Variants in LIPA observed in about 807,000 individuals in gnomAD.
LIPA encodes the protein lysosomal acid lipase/cholesteryl ester hydrolase.
Under a neutral mutation model 40.6 loss-of-function variants are expected in LIPA, and 26 were observed. The ratio of observed to expected loss-of-function variants is 0.64; its 90% CI spans 0.47 to 0.89. The LOEUF is 0.89. LIPA is among the 40% of genes least tolerant of loss of function. The probability of loss-of-function intolerance (pLI) is 0.00; values close to 1 mark genes in which losing one functional copy is unlikely to be tolerated. For synonymous variants in LIPA, 188 were observed against 168.4 expected (o/e 1.12, Z -0.90); for missense variants, 455 against 479.6 (o/e 0.95, Z 0.48).
At chr10:89,356,779 C>G (rs1012212852) in intron 2 of LIPA, among the ~76,000 whole-genome samples, 2 of 152,176 alleles carry the variant, frequency 1.3e-5, no homozygotes, top group Non-Finnish European at 2.9e-5. Context: ...CATCCTGAAA[C>G]CATCCCTGCC....
At chr10:89,379,725 G>A (rs747866298) in intron 2 of LIPA, among the ~76,000 whole-genome samples, 1 of 151,966 alleles carries the variant, frequency 6.6e-6, no homozygotes, top group South Asian at 2.1e-4. Flanking sequence ...TTAATATAAC[G>A]GGCTCCTGGT....
chr10:89,301,143 CAG>C (rs1843443197), intron 1 of LIPA, among the ~76,000 whole-genome samples: 1 of 152,214 alleles, frequency 6.6e-6, no homozygotes, highest in Non-Finnish European at 1.5e-5. Flanking sequence ...AAAACCGAAG[CAG>C]AGACATTCAA....
chr10:89,379,860 C>T (rs1398421673), intron 2 of LIPA, among the ~76,000 whole-genome samples: 4 of 152,032 alleles, frequency 2.6e-5, no homozygotes, highest in Non-Finnish European at 5.9e-5. Flanking sequence ...AGGTGAAACC[C>T]CGCCTCTTCT....
intron 1 of LIPA, chr10:89,308,733 G>T (rs1188221929): frequency 6.6e-6 from 1 of 152,106 alleles, no homozygotes; most frequent in East Asian, 1.9e-4. Flanking sequence ...ATTTTATTGT[G>T]CAATTAAAAC....
At chr10:89,305,304 C>T (rs543278302) in intron 1 of LIPA, among the ~76,000 whole-genome samples, 1 of 151,466 alleles carries the variant, frequency 6.6e-6, no homozygotes, top group Non-Finnish European at 1.5e-5. Flanking sequence ...AAGTAATAAA[C>T]CAATACAAAA....
rs1843469772 is a variant in LIPA at position 89,305,013 on chromosome 10, A to G, written c.-2+37598T>C. Among the ~76,000 whole-genome samples the G allele has an allele frequency of 2.0e-5, 3 of 152,242 alleles. No homozygotes were observed. The South Asian group carries it at 6.2e-4, about 32-fold the overall frequency. ...AAATTTCAAAAAAAAAATTAAAACA[A>G]TAAAGTACAAAATTATTAATAGAGC... On this transcript the variant is annotated intron_variant, in intron 1 of 5. Transcript: ENST00000282673.
At chr10:89,285,795 C>T (rs777422005) in intron 1 of LIPA, among the ~76,000 whole-genome samples, 4 of 151,758 alleles carry the variant, frequency 2.6e-5, no homozygotes, top group Non-Finnish European at 5.9e-5. Flanking sequence ...TCTCCACTTC[C>T]CTGGGGGACA....
chr10:89,404,395 C>T (rs1389878788), intron 2 of LIPA: 2 of 152,150 alleles, frequency 1.3e-5, no homozygotes, highest in Non-Finnish European at 2.9e-5. Flanking sequence ...CCTCTATGTC[C>T]TTTGTTTCAC....
intron 8 of LIPA, 62 bp from the exon 9 acceptor site, chr10:89,216,071 G>A: frequency 8.9e-7 from 1 of 1,119,370 alleles, no homozygotes; most frequent in Non-Finnish European, 1.4e-6. Flanking sequence ...AACATCATAG[G>A]TTGCTGGAGC....
intron 2 of LIPA, among the ~76,000 whole-genome samples, chr10:89,368,411 G>T (rs551318570): frequency 6.6e-6 from 1 of 152,058 alleles, no homozygotes; most frequent in Admixed American, 6.6e-5. Context: ...TACCAGAAAG[G>T]GTCCCCAGCT....
chr10:89,402,589 A>G (rs1246465430), intron 2 of LIPA: 1 of 1,614,234 alleles, frequency 6.2e-7, no homozygotes, highest in East Asian at 2.2e-5. Flanking sequence ...GCCTGGATGT[A>G]TTACCACATG....
rs1239617535 is a variant in LIPA, at chr10:89,248,176, T to C, written c.-1-527A>G. Among the ~76,000 whole-genome samples, 5 of 151,070 alleles carry C rather than the reference T, an allele frequency of 3.3e-5. No homozygotes were observed. The East Asian group carries it at 9.8e-4, about 29-fold the overall frequency. On this transcript the variant is annotated intron_variant, in intron 1 of 9. Coordinates refer to ENST00000336233, the MANE Select transcript of LIPA (RefSeq NM_000235.4). ...CACCGCGCCTGCCCAGGAATTTTTT[T>C]TTTTTTTCGGAGTCTCGCTCTGTTG...
chr10:89,268,199 G>A (rs190843346), intron 1 of LIPA, among the ~76,000 whole-genome samples: 1 of 152,176 alleles, frequency 6.6e-6, no homozygotes, highest in Middle Eastern at 3.2e-3. Context: ...GGGTCAGGCT[G>A]CCCACATTCA....
At chr10:89,369,442 G>T (rs75714633) in intron 2 of LIPA, among the ~76,000 whole-genome samples, 1,666 of 152,234 alleles carry the variant, frequency 0.011, 42 homozygotes, top group East Asian at 0.092. Flanking sequence ...ATTTCAGGCA[G>T]CTGGGGAGGG....
At chr10:89,242,919 T>C (rs1842979959) in intron 3 of LIPA, among the ~76,000 whole-genome samples, 1 of 152,186 alleles carries the variant, frequency 6.6e-6, no homozygotes, top group South Asian at 2.1e-4. Context: ...AACAAGAGCC[T>C]AATGTAGGCT....
At chr10:89,328,209 C>T in intron 1 of LIPA, 2 of 950,704 alleles carry the variant, frequency 2.1e-6, no homozygotes, top group Non-Finnish European at 3.3e-6. Flanking sequence ...TCAGTCTGAG[C>T]ATTTGTAAGA....
In LIPA at chr10:89,228,315, C is replaced by T; in HGVS notation, c.313G>A (p.Gly105Ser). 2 of 1,614,154 alleles carry T rather than the reference C, an allele frequency of 1.2e-6. No homozygotes were observed. Among genetic ancestry groups the T allele is most frequent in the Non-Finnish European group, 1.7e-6 (2 of 1,180,032 alleles). Residue 105 changes from glycine to serine, a missense_variant, in exon 4 of 10, where the codon GGC becomes AGC. Transcript: ENST00000336233. ...AAACCAGCATCAGCAAGAATGAAGC[C>T]CAGGCTGCTGTTGGCAAGGTTTGTG... Reference protein sequence around the residue: ...WVTNLANSSLGFILADAGFDV... With the variant: ...WVTNLANSSLSFILADAGFDV...
intron 1 of LIPA, among the ~76,000 whole-genome samples, chr10:89,268,993 A>AT (rs1159177782): frequency 1.4e-3 from 208 of 150,338 alleles, no homozygotes; most frequent in African/African-American, 5.0e-3. Context: ...CTCAAAAAAA[A>AT]AAAAGTATAA....
upstream of LIPA, among the ~76,000 whole-genome samples, chr10:89,345,289 G>GCTC (rs1275569722): frequency 1.9e-3 from 284 of 152,184 alleles, 1 homozygote; most frequent in Middle Eastern, 0.02. Flanking sequence ...AGCACTTTGG[G>GCTC]AGGCTGAGGT....
Sources: gnomAD v4.1 joint callset for allele counts (sites outside exome capture counted in the v4.1 genomes callset) on GRCh38, gnomAD v4.1.1 for gene constraint, MANE v1.5 for transcripts, NCBI Gene and HGNC (gene_info 2026-07-23, HGNC 2026-07-21) for gene names.